The following PLCXD3 variants were observed in gnomAD, a reference collection of about 807,000 sequenced individuals.
PLCXD3 encodes the protein phosphatidylinositol specific phospholipase C X domain containing 3, also known as PI-PLC X domain-containing protein 3.
Under a neutral mutation model 25.5 loss-of-function variants are expected in PLCXD3, and 19 were observed. That is an observed-to-expected ratio of 0.75 (90% confidence interval 0.52 to 1.09). PLCXD3 has a LOEUF of 1.09. Among genes scored for constraint, PLCXD3 ranks in the 50% least tolerant of loss-of-function variants. The probability of loss-of-function intolerance (pLI) is 0.00; values close to 1 mark genes in which losing one functional copy is unlikely to be tolerated. For missense variants in PLCXD3, 411 were observed against 388.1 expected (o/e 1.06, Z -0.50); for synonymous variants, 174 against 137.6 (o/e 1.26, Z -1.85).
chr5:41,478,958 G>T (rs1228393542), intron 1 of PLCXD3, among the ~76,000 whole-genome samples: 3 of 152,084 alleles, frequency 2.0e-5, no homozygotes, highest in Non-Finnish European at 4.4e-5. Flanking sequence ...ACTATCATGA[G>T]AACAGCAAGG....
At chr5:41,450,687 A>G (rs755075474) in intron 1 of PLCXD3, among the ~76,000 whole-genome samples, 7 of 151,996 alleles carry the variant, frequency 4.6e-5, no homozygotes, top group Non-Finnish European at 1.0e-4. Context: ...GAAGTTTCTT[A>G]TCAGTGACAC....
intron 2 of PLCXD3, among the ~76,000 whole-genome samples, chr5:41,342,727 A>T (rs1167266742): frequency 6.6e-6 from 1 of 152,274 alleles, no homozygotes; most frequent in African/African-American, 2.4e-5. Flanking sequence ...CAGAAGCAAA[A>T]TCTCCAAATG....
intron 2 of PLCXD3, among the ~76,000 whole-genome samples, chr5:41,330,218 AAGAG>A (rs1474270493): frequency 6.6e-6 from 1 of 152,168 alleles, no homozygotes; most frequent in African/African-American, 2.4e-5. Context: ...TAAAGAAAAA[AAGAG>A]AGAAGAATCA....
At chr5:41,318,704 C>T (rs1409610434) in intron 2 of PLCXD3, among the ~76,000 whole-genome samples, 1 of 151,952 alleles carries the variant, frequency 6.6e-6, no homozygotes, top group Non-Finnish European at 1.5e-5. Flanking sequence ...CACAACACAA[C>T]CAGAAGACAC....
intron 1 of PLCXD3, among the ~76,000 whole-genome samples, chr5:41,486,089 T>C (rs1351398865): frequency 6.6e-6 from 1 of 152,070 alleles, no homozygotes; most frequent in Non-Finnish European, 1.5e-5. Flanking sequence ...TTCTAGGATA[T>C]GAGTACAATC....
intron 1 of PLCXD3, among the ~76,000 whole-genome samples, chr5:41,496,823 C>A (rs949813622): frequency 6.6e-6 from 1 of 151,406 alleles, no homozygotes; most frequent in East Asian, 1.9e-4. Flanking sequence ...ATATGTAAAT[C>A]ATTTTCAATT....
chr5:41,487,409 T>C (rs1748543716), intron 1 of PLCXD3, among the ~76,000 whole-genome samples: 1 of 152,152 alleles, frequency 6.6e-6, no homozygotes, highest in Admixed American at 6.5e-5. Context: ...AAGGGCAGAG[T>C]CTTTCTATGC....
chr5:41,485,665 C>T (rs1286248817), intron 1 of PLCXD3, among the ~76,000 whole-genome samples: 1 of 152,152 alleles, frequency 6.6e-6, no homozygotes, highest in Non-Finnish European at 1.5e-5. Context: ...CAGATAGGCT[C>T]TTCCTGGAAT....
chr5:41,442,427 A>T (rs2150511936), intron 1 of PLCXD3, among the ~76,000 whole-genome samples: 1 of 152,354 alleles, frequency 6.6e-6, no homozygotes, highest in South Asian at 2.1e-4. Flanking sequence ...AACATATGTT[A>T]AGACCAGAGT....
In PLCXD3 at chr5:41,440,215, A is replaced by ATTTTTTTTTTTTTTTT. The variant is rs70988846; in HGVS notation, c.104-57697_104-57682dup. 1.3e-3 allele frequency among the ~76,000 whole-genome samples: 52 copies of ATTTTTTTTTTTTTTTT among 41,082 alleles called. 1 individual carries two copies. Among genetic ancestry groups the ATTTTTTTTTTTTTTTT allele is most frequent in the African/African-American group, 3.1e-3 (30 of 9,612 alleles). The allele number at this position is 41,082 out of a possible 152,430, so 27.0% of individuals were successfully genotyped here. On this transcript the variant is annotated intron_variant, in intron 1 of 2. Coordinates refer to ENST00000377801, the MANE Select transcript of PLCXD3 (RefSeq NM_001005473.3). Reference sequence around the variant, plus strand: ...TCTGAGCAAATTACATAATCTCTCAATTTTTTTTTTTTTTTTTTTTTTTTT... The same window carrying ATTTTTTTTTTTTTTTT: ...TCTGAGCAAATTACATAATCTCTCAATTTTTTTTTTTTTTTTTTTTTTTTTTTTTTTTTTTTTTTTT...
chr5:41,416,532 T>C (rs1746698583), intron 1 of PLCXD3, among the ~76,000 whole-genome samples: 1 of 152,118 alleles, frequency 6.6e-6, no homozygotes, highest in South Asian at 2.1e-4. Flanking sequence ...GAAACCAGTG[T>C]AGTGCCCAGG....
chr5:41,401,654 ACT>A (rs1052055644), intron 1 of PLCXD3, among the ~76,000 whole-genome samples: 16 of 151,540 alleles, frequency 1.1e-4, no homozygotes, highest in Non-Finnish European at 7.4e-5. Context: ...TTATAACGAG[ACT>A]CTTGATTTTC....
At chr5:41,397,322 G>C (rs1343131210) in intron 1 of PLCXD3, among the ~76,000 whole-genome samples, 3 of 152,144 alleles carry the variant, frequency 2.0e-5, no homozygotes, top group African/African-American at 7.2e-5. Flanking sequence ...GGTTACAAGG[G>C]GCCTAGGTAC....
intron 1 of PLCXD3, among the ~76,000 whole-genome samples, chr5:41,439,853 A>T (rs145237132): frequency 1.3e-5 from 2 of 152,342 alleles, no homozygotes; most frequent in East Asian, 3.9e-4. Context: ...TAGATTCTCC[A>T]GGGACACAAA....
At chr5:41,424,923 C>T (rs1045811096) in intron 1 of PLCXD3, among the ~76,000 whole-genome samples, 11 of 152,108 alleles carry the variant, frequency 7.2e-5, no homozygotes, top group Admixed American at 7.2e-4. Context: ...TACTAATTTT[C>T]TAACTTTATG....
intron 2 of PLCXD3, among the ~76,000 whole-genome samples, chr5:41,355,820 G>A (rs956812617): frequency 3.9e-5 from 6 of 152,192 alleles, no homozygotes; most frequent in Non-Finnish European, 8.8e-5. Context: ...TGGGACAGAT[G>A]AAGATGATAT....
intron 1 of PLCXD3, among the ~76,000 whole-genome samples, chr5:41,393,438 T>C (rs1745897251): frequency 6.6e-6 from 1 of 152,142 alleles, no homozygotes; most frequent in East Asian, 1.9e-4. Flanking sequence ...AGAGAAAAGC[T>C]TTTACCCTAG....
chr5:41,428,121 C>T (rs1747005299), intron 1 of PLCXD3, among the ~76,000 whole-genome samples: 1 of 152,124 alleles, frequency 6.6e-6, no homozygotes, highest in Admixed American at 6.5e-5. Context: ...TCTCCCCACA[C>T]CTTGTACCCC....
intron 1 of PLCXD3, among the ~76,000 whole-genome samples, chr5:41,397,795 G>T (rs376499945): frequency 6.6e-6 from 1 of 152,170 alleles, no homozygotes; most frequent in South Asian, 2.1e-4. Flanking sequence ...GCATCAGTGC[G>T]GCCTGAATGT....
Sources: gnomAD v4.1 joint callset for allele counts (sites outside exome capture counted in the v4.1 genomes callset) on GRCh38, gnomAD v4.1.1 for gene constraint, MANE v1.5 for transcripts, NCBI Gene and HGNC (gene_info 2026-07-23, HGNC 2026-07-21) for gene names.